The following CHLSN variants were observed in gnomAD, a reference collection of about 807,000 sequenced individuals.
CHLSN encodes cholesin, also known as protein cholesin.
chr7:985,173 C>T, the CHLSN span: 3 of 1,579,110 alleles, frequency 1.9e-6, no homozygotes, highest in Non-Finnish European at 2.6e-6. Flanking sequence ...CAGGCCGGCC[C>T]TTCCCGCTGG....
chr7:1,031,840 C>T, the CHLSN span, among the ~76,000 whole-genome samples: 1 of 97,232 alleles, frequency 1.0e-5, no homozygotes, highest in African/African-American at 4.7e-5. Context: ...TGGTCCGGGG[C>T]GGCAGAGACC....
chr7:1,127,440 T>A, the CHLSN span: 1 of 1,511,498 alleles, frequency 6.6e-7, no homozygotes, highest in Non-Finnish European at 8.8e-7. Flanking sequence ...GCTTAACTCA[T>A]GTAAGATTTT....
At chr7:1,078,938 C>T in the CHLSN span, among the ~76,000 whole-genome samples, 3,973 of 32,930 alleles carry the variant, frequency 0.12, 402 homozygotes, top group African/African-American at 0.24. Flanking sequence ...GTCAGGGCTC[C>T]ATCAAGACTG....
At chr7:984,299 G>A in the CHLSN span, 2 of 1,371,346 alleles carry the variant, frequency 1.5e-6, no homozygotes, top group African/African-American at 1.5e-5. Context: ...CCCTCCACCT[G>A]CCCCCATTTT....
the CHLSN span, among the ~76,000 whole-genome samples, chr7:1,002,648 TG>T: frequency 9.7e-6 from 1 of 103,232 alleles, no homozygotes; most frequent in Non-Finnish European, 1.9e-5. Flanking sequence ...TGGGGAGTCC[TG>T]CGGGTGAGTG....
At chr7:1,133,614 C>T in the CHLSN span, among the ~76,000 whole-genome samples, 16 of 151,410 alleles carry the variant, frequency 1.1e-4, 1 homozygote, top group South Asian at 4.2e-4. Flanking sequence ...ATTAGCCGGG[C>T]GTGGTGGCAG....
At chr7:1,134,515 G>C in the CHLSN span, among the ~76,000 whole-genome samples, 1 of 151,824 alleles carries the variant, frequency 6.6e-6, no homozygotes, top group African/African-American at 2.4e-5. Context: ...ATTACAGTGA[G>C]CCGAGATCGC....
chr7:1,093,198 G>A, the CHLSN span: 8 of 520,694 alleles, frequency 1.5e-5, no homozygotes, highest in Non-Finnish European at 2.7e-5. Flanking sequence ...TTCTGACACC[G>A]TCGACCAGGA....
At chr7:1,056,856 T>A in the CHLSN span, 1 of 28,074 alleles carries the variant, frequency 3.6e-5, no homozygotes, top group Non-Finnish European at 6.8e-5. Context: ...TGCCTGTGCT[T>A]TGGCGGGGTG....
At chr7:1,102,770 C>T in the CHLSN span, among the ~76,000 whole-genome samples, 2 of 152,186 alleles carry the variant, frequency 1.3e-5, no homozygotes, top group Admixed American at 6.5e-5. Flanking sequence ...GAAGTGAGCA[C>T]GTGTGCTGGG....
the CHLSN span, among the ~76,000 whole-genome samples, chr7:985,600 G>A: frequency 6.6e-6 from 1 of 152,146 alleles, no homozygotes; most frequent in African/African-American, 2.4e-5. Context: ...GAGGTGGGAG[G>A]CAGGCATGGC....
the CHLSN span, among the ~76,000 whole-genome samples, chr7:1,033,441 C>T: frequency 6.6e-6 from 1 of 152,006 alleles, no homozygotes; most frequent in East Asian, 1.9e-4. Flanking sequence ...GCCTGTAATC[C>T]CAGCTGCTCA....
chr7:992,850 G>A, the CHLSN span, among the ~76,000 whole-genome samples: 1 of 152,220 alleles, frequency 6.6e-6, no homozygotes, highest in African/African-American at 2.4e-5. Context: ...TGTCTCTCCG[G>A]GCAGGTCTCA....
chr7:1,028,251 C>A, the CHLSN span: 1 of 1,097,482 alleles, frequency 9.1e-7, no homozygotes, highest in Non-Finnish European at 1.1e-6. Context: ...TGGCCCCGCG[C>A]ACTGACCTCT....
chr7:1,131,053 T>A, the CHLSN span, among the ~76,000 whole-genome samples: 4 of 151,992 alleles, frequency 2.6e-5, no homozygotes, highest in Non-Finnish European at 5.9e-5. Context: ...TGGCTACGCT[T>A]GGTGGTGCAC....
At chr7:1,053,305 G>A in the CHLSN span, among the ~76,000 whole-genome samples, 3 of 152,274 alleles carry the variant, frequency 2.0e-5, no homozygotes, top group Admixed American at 1.3e-4. Flanking sequence ...CAGGTGTGGC[G>A]ACGGCGGGGG....
chr7:1,008,957 GAACA>G, the CHLSN span, among the ~76,000 whole-genome samples: 1 of 149,356 alleles, frequency 6.7e-6, no homozygotes, highest in Admixed American at 6.6e-5. Flanking sequence ...CCCCTCATGC[GAACA>G]CACATGCGTG....
the CHLSN span, among the ~76,000 whole-genome samples, chr7:1,078,233 G>A: frequency 6.6e-6 from 1 of 152,156 alleles, no homozygotes; most frequent in Non-Finnish European, 1.5e-5. Flanking sequence ...GCAAGGAAGT[G>A]GAGACAGTTC....
the CHLSN span, among the ~76,000 whole-genome samples, chr7:1,081,435 C>T: frequency 3.3e-4 from 51 of 152,372 alleles, 1 homozygote; most frequent in South Asian, 0.01. Flanking sequence ...GGCAGAAGAA[C>T]CAGAACAAAA....
Sources: gnomAD v4.1 joint callset for allele counts (sites outside exome capture counted in the v4.1 genomes callset) on GRCh38, gnomAD v4.1.1 for gene constraint, MANE v1.5 for transcripts, NCBI Gene and HGNC (gene_info 2026-07-23, HGNC 2026-07-21) for gene names.